Variants in DYNC2I1 observed in about 807,000 individuals in gnomAD.
DYNC2I1 encodes the protein dynein 2 intermediate chain 1.
DYNC2I1 carries 89 observed loss-of-function variants against 133.4 expected under a neutral mutation model. That is an observed-to-expected ratio of 0.67 (90% CI 0.56 to 0.80). The LOEUF is 0.80. DYNC2I1 is among the 30% of genes least tolerant of loss of function. DYNC2I1 has a pLI of 0.00. For missense variants in DYNC2I1, 1,291 were observed against 1,314.5 expected (o/e 0.98, Z 0.28); for synonymous variants, 504 against 484.3 (o/e 1.04, Z -0.54).
chr7:158,873,707 G>A (rs796533416), intron 3 of DYNC2I1, among the ~76,000 whole-genome samples: 50 of 152,136 alleles, frequency 3.3e-4, no homozygotes, highest in Admixed American at 3.2e-3. Flanking sequence ...GCCCACCACA[G>A]CCTTGAACTG....
the DYNC2I1 span, among the ~76,000 whole-genome samples, chr7:158,841,183 AT>A: frequency 5.3e-5 from 1 of 19,034 alleles, no homozygotes; most frequent in African/African-American, 2.2e-4. Flanking sequence ...ATATATATAT[AT>A]ATATATATAT....
At chr7:158,902,255 C>T in intron 9 of DYNC2I1, 121 bp from the exon 10 acceptor site, 2 of 788,566 alleles carry the variant, frequency 2.5e-6, no homozygotes, top group East Asian at 2.7e-5. Flanking sequence ...AAATATCTTT[C>T]TTAGCTGTAA....
chr7:158,874,404 C>G (rs932643521), intron 3 of DYNC2I1, among the ~76,000 whole-genome samples: 7 of 152,076 alleles, frequency 4.6e-5, no homozygotes, highest in Non-Finnish European at 7.4e-5. Flanking sequence ...AGTAGCTGTC[C>G]TACTATTTAA....
At chr7:158,902,238 G>T in intron 9 of DYNC2I1, 138 bp from the exon 10 acceptor site, 1 of 712,248 alleles carries the variant, frequency 1.4e-6, no homozygotes, top group Non-Finnish European at 2.3e-6. Flanking sequence ...TAAAATCAGG[G>T]AACTATAAAT....
upstream of DYNC2I1, among the ~76,000 whole-genome samples, chr7:158,855,939 CTTTTTT>C (rs71200072): frequency 8.4e-6 from 1 of 119,288 alleles, no homozygotes; most frequent in Non-Finnish European, 1.7e-5. Flanking sequence ...AAGCTCTTTT[CTTTTTT>C]TTTTTTTTTT....
the DYNC2I1 span, among the ~76,000 whole-genome samples, chr7:158,845,810 C>G: frequency 6.6e-6 from 1 of 152,102 alleles, no homozygotes; most frequent in Admixed American, 6.5e-5. Flanking sequence ...ACAAACTTGT[C>G]ATATAATTTA....
At chr7:158,915,542 CGGT>C (rs1563162311) in intron 14 of DYNC2I1, among the ~76,000 whole-genome samples, 8 of 59,842 alleles carry the variant, frequency 1.3e-4, no homozygotes, top group South Asian at 6.5e-4. Context: ...AACCTCGACA[CGGT>C]GGTTGAGATT....
At chr7:158,901,676 C>G (rs1207087175) in intron 8 of DYNC2I1, 63 bp from the exon 9 acceptor site, 1 of 1,019,022 alleles carries the variant, frequency 9.8e-7, no homozygotes, top group Non-Finnish European at 1.5e-6. Flanking sequence ...TTTTCCCAAT[C>G]TATTTGCAAT....
chr7:158,948,434 A>G (rs563255048), downstream of DYNC2I1, among the ~76,000 whole-genome samples: 19 of 152,376 alleles, frequency 1.2e-4, no homozygotes, highest in African/African-American at 4.6e-4. Context: ...CAGTAGAAGT[A>G]AATTAAAACG....
upstream of DYNC2I1, among the ~76,000 whole-genome samples, chr7:158,854,031 GC>G (rs201943423): frequency 3.3e-3 from 483 of 148,528 alleles, 12 homozygotes; most frequent in East Asian, 0.015. Flanking sequence ...GGGTGGGGGG[GC>G]GTTGAGAAGT....
At chr7:158,880,097 T>C (rs1424111852) in intron 5 of DYNC2I1, 108 bp downstream of exon 5, 2 of 1,306,486 alleles carry the variant, frequency 1.5e-6, no homozygotes, top group African/African-American at 1.5e-5. Context: ...TGTGGCCTAG[T>C]AGTAGTAATT....
intron 10 of DYNC2I1, among the ~76,000 whole-genome samples, chr7:158,905,752 A>G (rs1364355227): frequency 6.6e-6 from 1 of 152,176 alleles, no homozygotes; most frequent in Non-Finnish European, 1.5e-5. Context: ...AAACTCTTTA[A>G]TAGTGTGAGT....
At chr7:158,856,884 C>T in intron 1 of DYNC2I1, 134 bp downstream of exon 1, 1 of 1,050,884 alleles carries the variant, frequency 9.5e-7, no homozygotes, top group Non-Finnish European at 1.2e-6. Flanking sequence ...CCGGAGGAGC[C>T]GCGGTGCCTC....
chr7:158,891,392 A>G lies in DYNC2I1; in HGVS notation c.1059+59A>G. The G allele has an allele frequency of 1.9e-6, 3 of 1,594,456 alleles. No homozygotes were observed. The Admixed American group carries it at 5.0e-5, about 27-fold the overall frequency. ...CCTGTCCCAGCACAGACCCACTCAC[A>G]TTTGCTTGCTTTCCTGTCAGCATTT... On this transcript the variant is annotated intron_variant, in intron 8 of 24. Coordinates refer to ENST00000407559, the MANE Select transcript of DYNC2I1 (RefSeq NM_018051.5).
At position 158,946,187 on chromosome 7, in the gene DYNC2I1, A is replaced by C. The variant is rs2730219; in HGVS notation, c.*408A>C. On this transcript the variant is annotated 3_prime_UTR_variant, in exon 25 of 25. Coordinates refer to ENST00000407559, the MANE Select transcript of DYNC2I1 (RefSeq NM_018051.5). ...TAAATTAAAAGGAATTACTCCACCG[A>C]AATGACCTCTGCCAATAGTGTTTTC... is the stretch of plus-strand genomic sequence containing the variant. 75,437 of 155,200 alleles carry C rather than the reference A, an allele frequency of 0.49. 18,937 individuals carry two copies. The highest frequency in any genetic ancestry group is 0.54 in the Admixed American group (8,407 of 15,504). 9.6% of individuals were successfully genotyped at this position (155,200 alleles called of 1,614,324 possible).
upstream of DYNC2I1, among the ~76,000 whole-genome samples, chr7:158,855,400 CA>C (rs1841164631): frequency 6.6e-6 from 1 of 152,128 alleles, no homozygotes; most frequent in African/African-American, 2.4e-5. Context: ...GCAGGTTCTG[CA>C]AAATATCTCA....
intron 7 of DYNC2I1, among the ~76,000 whole-genome samples, chr7:158,890,650 T>C (rs926803554): frequency 2.6e-5 from 4 of 151,676 alleles, no homozygotes; most frequent in Non-Finnish European, 5.9e-5. Flanking sequence ...CAGGCTGGAG[T>C]GCAACCTCTG....
At chr7:158,862,552 TAAAA>T (rs71200073) in intron 1 of DYNC2I1, among the ~76,000 whole-genome samples, 8 of 105,848 alleles carry the variant, frequency 7.6e-5, no homozygotes, top group African/African-American at 1.1e-4. Context: ...CCCTATCTCT[TAAAA>T]AAAAAAAAAA....
chr7:158,894,112 T>TATCCTACCGCATATCCTACC (rs1563126231), intron 8 of DYNC2I1, among the ~76,000 whole-genome samples: 19 of 48,632 alleles, frequency 3.9e-4, no homozygotes, highest in African/African-American at 6.8e-4. Flanking sequence ...CATATCCTAC[T>TATCCTACCGCATATCCTACC]GCATATCCTA....
Sources: allele counts gnomAD v4.1 joint callset (sites outside exome capture counted in the v4.1 genomes callset), GRCh38; gene constraint gnomAD v4.1.1; transcripts MANE v1.5; gene names NCBI Gene and HGNC (gene_info 2026-07-23, HGNC 2026-07-21).